The following ADGRL1 variants were observed in gnomAD, a reference collection of about 807,000 sequenced individuals.
ADGRL1 encodes adhesion G protein-coupled receptor L1.
In ADGRL1, 31 loss-of-function variants were observed where a neutral mutation model predicts 148.9. The observed-to-expected ratio is 0.21, with a 90% CI of 0.16 to 0.28. The LOEUF (loss-of-function observed/expected upper bound fraction) is 0.28, where lower values mean the gene tolerates loss of function less well. Ranked by LOEUF, ADGRL1 falls within the 10% of genes least tolerant of loss-of-function variation. The probability of loss-of-function intolerance (pLI) is 1.00; values close to 1 mark genes in which losing one functional copy is unlikely to be tolerated. For missense variants in ADGRL1, 1,521 were observed against 2,058.8 expected (o/e 0.74, Z 5.05); for synonymous variants, 937 against 900.3 (o/e 1.04, Z -0.73).
In ADGRL1 at chr19:14,183,696, G is replaced by C. The variant is rs1214621945; in HGVS notation, c.-94C>G. 4 of 1,138,998 alleles carry C rather than the reference G, an allele frequency of 3.5e-6. No individual in the cohort carries two copies. Among genetic ancestry groups the C allele is most frequent in the Non-Finnish European group, 3.8e-6 (3 of 796,800 alleles). The allele number at this position is 1,138,998 out of a possible 1,614,324, so 70.6% of individuals were successfully genotyped here. ...GCAGGCACCACGGCCTGGACCACCA[G>C]CCTGGGGGAGGACAGGGAGACTGAG... On this transcript the variant is annotated splice_region_variant and 5_prime_UTR_variant, in exon 2 of 23. Transcript: ENST00000361434.
rs1322883761 is a variant in ADGRL1 at position 14,150,927 on chromosome 19, A to T, written c.4356T>A (p.Leu1452=). 6.2e-7 allele frequency: 1 copy of T among 1,611,538 alleles called. No individual in the cohort carries two copies. The highest frequency in any genetic ancestry group is 8.5e-7 in the Non-Finnish European group (1 of 1,179,562). ...SHEGYLAAPG[L]EGPGPDGDGQ... ...CGTCCCCATCGGGCCCTGGCCCCTC[A>T]AGGCCTGGGGCTGCCAGGTAGCCCT... Residue 1452 remains leucine (L), a synonymous_variant, in exon 23 of 23, where the codon CTT becomes CTA. Coordinates refer to ENST00000361434, the MANE Select transcript of ADGRL1 (RefSeq NM_014921.5).
At position 14,166,201 on chromosome 19, in the gene ADGRL1, C is replaced by T. The variant is rs571762584; in HGVS notation, c.395-2795G>A. On this transcript the variant is annotated intron_variant, in intron 4 of 22. Coordinates refer to ENST00000361434, the MANE Select transcript of ADGRL1 (RefSeq NM_014921.5). The stretch of plus-strand genomic sequence containing the variant: ...GAAAGAAACAGAGAACACGCTCCCC[C>T]ACCCTTCGCTCCCCCAACCACGAGG... Among the ~76,000 whole-genome samples the T allele has an allele frequency of 1.1e-4, 16 of 152,006 alleles. 1 individual carries two copies. In the South Asian group the frequency reaches 3.3e-3, roughly 32 times the overall value.
Position 14,152,418 on chromosome 19 carries a change from C to G in ADGRL1, c.3540G>C (p.Leu1180=). ...TLNRGTMGNH[L]LTNPVLQPRG... ...GGGGCTGCAGCACGGGGTTGGTCAG[C>G]AGGTGGTTCCCCATGGTACCTGGCC... is the stretch of plus-strand genomic sequence containing the variant. Residue 1180 remains leucine (L), a synonymous_variant, in exon 21 of 23, where the codon CTG becomes CTC. Transcript: ENST00000361434. The surrounding 1 kb of genome is among the most constrained non-coding windows in gnomAD (Gnocchi z 6.1). The G allele has an allele frequency of 6.2e-7, 1 of 1,600,886 alleles. No homozygotes were observed. The highest frequency in any genetic ancestry group is 8.5e-7 in the Non-Finnish European group (1 of 1,171,072).
intron 3 of ADGRL1, chr19:14,171,097 TC>T: frequency 3.8e-6 from 1 of 263,702 alleles, no homozygotes; most frequent in Non-Finnish European, 7.4e-6. Flanking sequence ...GTGTAGCACC[TC>T]CCCTGTTCTC....
At chr19:14,194,468 A>T (rs1275424940) in intron 1 of ADGRL1, among the ~76,000 whole-genome samples, 3 of 152,234 alleles carry the variant, frequency 2.0e-5, no homozygotes, top group African/African-American at 7.2e-5. Flanking sequence ...ACAGTGACGG[A>T]CAGCTCCAAG....
In ADGRL1 at chr19:14,160,714, C is replaced by T. The variant is rs756773393; in HGVS notation, c.1511-18G>A. On this transcript the variant is annotated intron_variant, in intron 6 of 22. Coordinates refer to ENST00000361434, the MANE Select transcript of ADGRL1 (RefSeq NM_014921.5). This position sits in a 1 kb window ranked among gnomAD's most constrained non-coding sequence, Gnocchi z 5.9. Reference sequence around the variant, plus strand: ...GGCAATTCCTGCAGGGACAGACAGACAGGAACAGACAAGGGAGCCAAAGGG... The same window carrying T: ...GGCAATTCCTGCAGGGACAGACAGATAGGAACAGACAAGGGAGCCAAAGGG... 6.8e-6 allele frequency: 10 copies of T among 1,466,564 alleles called. No homozygotes were observed. The highest frequency in any genetic ancestry group is 4.5e-5 in the East Asian group (2 of 44,108). 90.8% of individuals were successfully genotyped at this position (1,466,564 alleles called of 1,614,324 possible).
At chr19:14,196,392 G>A (rs1208146161) in intron 1 of ADGRL1, among the ~76,000 whole-genome samples, 1 of 152,238 alleles carries the variant, frequency 6.6e-6, no homozygotes, top group Non-Finnish European at 1.5e-5. Flanking sequence ...GCTGAAGAGG[G>A]CTGATTGCTT....
intron 1 of ADGRL1, chr19:14,191,257 C>T (rs970559030): frequency 1.1e-4 from 51 of 456,560 alleles, no homozygotes; most frequent in Admixed American, 7.1e-4. Flanking sequence ...TCCCCAGAGA[C>T]GCAGACATGG....
chr19:14,162,744 C>T lies in ADGRL1; in HGVS notation c.1057G>A (p.Val353Ile). ...FNTNANREEPVSLTFPNPYQF... is the reference protein window; with the variant it reads ...FNTNANREEPISLTFPNPYQF... The stretch of plus-strand genomic sequence containing the variant: ...TAGGGGTTGGGGAAGGTGAGGCTGA[C>T]AGGCTCCTCGCGGTTGGCATTGGTG... Residue 353 changes from valine (V) to isoleucine (I), a missense_variant, in exon 5 of 23, where the codon GTC becomes ATC. Physicochemically the swap from Val to Ile is conservative, Grantham distance 29. Coordinates refer to ENST00000361434, the MANE Select transcript of ADGRL1 (RefSeq NM_014921.5). This position sits in a 1 kb window ranked among gnomAD's most constrained non-coding sequence, Gnocchi z 5.4. The T allele has an allele frequency of 6.2e-7, 1 of 1,614,218 alleles. No homozygotes were observed. The highest frequency in any genetic ancestry group is 8.5e-7 in the Non-Finnish European group (1 of 1,180,036).
chr19:14,192,737 G>A (rs1163538422), intron 1 of ADGRL1, among the ~76,000 whole-genome samples: 2 of 151,932 alleles, frequency 1.3e-5, no homozygotes, highest in African/African-American at 2.4e-5. Context: ...TTTTAGTAGA[G>A]ACGGGGTTTC....
At position 14,151,275 on chromosome 19, in the gene ADGRL1, C is replaced by T. The variant is rs750192332; in HGVS notation, c.4008G>A (p.Glu1336=). The T allele has an allele frequency of 1.2e-6, 2 of 1,611,768 alleles. No individual in the cohort carries two copies. The highest frequency in any genetic ancestry group is 2.7e-5 in the African/African-American group (2 of 74,870). The part of the protein sequence containing the change: ...AEIELLYKAL[E]EPLLLPRAQS... ...GGGCCCGGGGCAGCAGCAGAGGCTC[C>T]TCCAGGGCCTTATAGAGAAGTTCAA... The change falls in exon 23 of 23, where the codon GAG becomes GAA. Residue 1336 remains glutamate (E), a synonymous_variant. Coordinates refer to ENST00000361434, the MANE Select transcript of ADGRL1 (RefSeq NM_014921.5).
intron 1 of ADGRL1, among the ~76,000 whole-genome samples, chr19:14,205,657 G>C (rs996528114): frequency 6.0e-5 from 9 of 151,168 alleles, no homozygotes; most frequent in Non-Finnish European, 1.2e-4. Flanking sequence ...GCTGGCGCGC[G>C]CGCGGGCACA....
At chr19:14,158,265 G>A (rs1968971025) in intron 12 of ADGRL1, 73 bp downstream of exon 12, 1 of 1,470,564 alleles carries the variant, frequency 6.8e-7, no homozygotes, top group Non-Finnish European at 9.5e-7. Context: ...AGCACATGGA[G>A]GGGCAGGTAC....
At position 14,155,593 on chromosome 19, in the gene ADGRL1, C is replaced by T. The variant is rs2144651313; in HGVS notation, c.3126-66G>A. 1 of 1,557,058 alleles carries T rather than the reference C, an allele frequency of 6.4e-7. No individual in the cohort carries two copies. The highest frequency in any genetic ancestry group is 1.1e-5 in the South Asian group (1 of 88,762). ...GGGGACGGCCTCAGCCCAGGCCTCC[C>T]CTGCAGCCTACAACGGGGGCCCTTG... On this transcript the variant is annotated intron_variant, in intron 17 of 22. Transcript: ENST00000361434. This position sits in a 1 kb window ranked among gnomAD's most constrained non-coding sequence, Gnocchi z 5.0.
chr19:14,184,649 T>TATTTA (rs1568619000), intron 1 of ADGRL1, among the ~76,000 whole-genome samples: 1 of 139,056 alleles, frequency 7.2e-6, no homozygotes, highest in Non-Finnish European at 1.5e-5. Context: ...TTTATTTATT[T>TATTTA]TTTTTTCTGA....
chr19:14,160,352 G>A lies in ADGRL1; in HGVS notation c.1615-55C>T. 2.7e-6 allele frequency: 4 copies of A among 1,494,952 alleles called. No individual in the cohort carries two copies. The highest frequency in any genetic ancestry group is 2.5e-5 in the South Asian group (2 of 80,246). The allele number at this position is 1,494,952 out of a possible 1,614,324, so 92.6% of individuals were successfully genotyped here. A position where few individuals can be genotyped will look rare whatever the true frequency, so the allele number is the denominator to read the frequency against. Reference sequence around the variant, plus strand: ...TCCCAGGACTGTCAGGGACCATCCTGCCCTCCCCGGCTTCCCTGGCCTGTG... The same window carrying A: ...TCCCAGGACTGTCAGGGACCATCCTACCCTCCCCGGCTTCCCTGGCCTGTG... On this transcript the variant is annotated intron_variant, in intron 7 of 22. Coordinates refer to ENST00000361434, the MANE Select transcript of ADGRL1 (RefSeq NM_014921.5). This position sits in a 1 kb window ranked among gnomAD's most constrained non-coding sequence, Gnocchi z 5.9.
rs2144549085 is a variant in ADGRL1 at position 14,148,322 on chromosome 19, T to A, written c.*2551A>T. On this transcript the variant is annotated 3_prime_UTR_variant, in exon 23 of 23. Coordinates refer to ENST00000361434, the MANE Select transcript of ADGRL1 (RefSeq NM_014921.5). ...CTGGAAGCCACCCGGCGATGCCGGCTGGAACAGGACCCGATACACCCTCTC... is the reference window on the plus strand; with the variant it reads ...CTGGAAGCCACCCGGCGATGCCGGCAGGAACAGGACCCGATACACCCTCTC... The A allele has an allele frequency of 6.6e-6, 1 of 152,564 alleles. No individual in the cohort carries two copies. The highest frequency in any genetic ancestry group is 1.5e-5 in the Non-Finnish European group (1 of 68,176). The allele number at this position is 152,564 out of a possible 1,614,324, so 9.5% of individuals were successfully genotyped here.
Position 14,151,188 on chromosome 19 carries a change from G to A in ADGRL1, c.4095C>T (p.Ala1365=). The A allele has an allele frequency of 1.2e-6, 2 of 1,610,622 alleles. No homozygotes were observed. Among genetic ancestry groups the A allele is most frequent in the Non-Finnish European group, 1.7e-6 (2 of 1,179,320 alleles). The change falls in exon 23 of 23, where the codon GCC becomes GCT. Residue 1365 remains alanine, a synonymous_variant. Transcript: ENST00000361434. The part of the protein sequence containing the change: ...ESESCTAEDG[A]TSRPLSSPPG... Reference sequence around the variant, plus strand: ...GAGGGGAGGAGAGGGGCCGGCTGGTGGCGCCGTCCTCGGCCGTGCAGCTCT... The same window carrying A: ...GAGGGGAGGAGAGGGGCCGGCTGGTAGCGCCGTCCTCGGCCGTGCAGCTCT...
rs558495928 is a variant in ADGRL1, at chr19:14,189,231, T to C, written c.-95-5534A>G. On this transcript the variant is annotated intron_variant, in intron 1 of 22. Coordinates refer to ENST00000361434, the MANE Select transcript of ADGRL1 (RefSeq NM_014921.5). ...TATGTGGCCTTTTTTTTTTTTTTTT[T>C]CCCAGTTAGATGGGGGTCTCACTCT... Among the ~76,000 whole-genome samples, 589 of 149,890 alleles carry C rather than the reference T, an allele frequency of 3.9e-3. 1 individual carries two copies. Among genetic ancestry groups the C allele is most frequent in the Non-Finnish European group, 5.5e-3 (373 of 67,560 alleles).
Sources: allele counts gnomAD v4.1 joint callset (sites outside exome capture counted in the v4.1 genomes callset), GRCh38; gene constraint gnomAD v4.1.1; non-coding constraint Gnocchi (gnomAD v3.1); transcripts MANE v1.5; gene names NCBI Gene and HGNC (gene_info 2026-07-23, HGNC 2026-07-21).